The following ZBTB8A variants were observed in gnomAD, a reference collection of about 807,000 sequenced individuals.
The protein encoded by ZBTB8A is zinc finger and BTB domain containing 8A.
A neutral mutation model predicts 37.8 loss-of-function variants in ZBTB8A; 19 were observed. The ratio of observed to expected loss-of-function variants is 0.50; its 90% CI spans 0.35 to 0.74. The LOEUF is 0.74. ZBTB8A is among the 30% of genes least tolerant of loss of function. ZBTB8A has a pLI of 0.01. For synonymous variants in ZBTB8A, 181 were observed against 185.2 expected (o/e 0.98, Z 0.19); for missense variants, 394 against 537.8 (o/e 0.73, Z 2.65).
intron 2 of ZBTB8A, among the ~76,000 whole-genome samples, chr1:32,589,208 CTTG>C (rs879740349): frequency 2.0e-5 from 3 of 151,978 alleles, no homozygotes; most frequent in African/African-American, 4.8e-5. Flanking sequence ...GAGACAGAGT[CTTG>C]TTGTGTCACC....
intron 2 of ZBTB8A, among the ~76,000 whole-genome samples, chr1:32,579,561 G>C (rs1033762914): frequency 5.3e-5 from 8 of 152,028 alleles, no homozygotes; most frequent in African/African-American, 1.9e-4. Context: ...AAGAGTTATT[G>C]ATCTCTTTGC....
At chr1:32,548,950 T>G (rs914813301) in intron 1 of ZBTB8A, among the ~76,000 whole-genome samples, 2 of 151,996 alleles carry the variant, frequency 1.3e-5, no homozygotes, top group African/African-American at 4.8e-5. Flanking sequence ...CCCAGCACTT[T>G]GGGAGGCTGA....
At chr1:32,599,700 G>A (rs935246489) in intron 4 of ZBTB8A, among the ~76,000 whole-genome samples, 2 of 152,002 alleles carry the variant, frequency 1.3e-5, no homozygotes, top group Non-Finnish European at 2.9e-5. Context: ...CTGGGCAACA[G>A]AGTGAGACTC....
intron 1 of ZBTB8A, among the ~76,000 whole-genome samples, chr1:32,542,972 T>C (rs771375391): frequency 2.0e-5 from 3 of 152,204 alleles, no homozygotes; most frequent in Non-Finnish European, 4.4e-5. Context: ...ACTTAAACCT[T>C]TTTTGATGAC....
chr1:32,547,641 A>G (rs1313795882), intron 1 of ZBTB8A, among the ~76,000 whole-genome samples: 1 of 148,116 alleles, frequency 6.8e-6, no homozygotes, highest in Non-Finnish European at 1.5e-5. Context: ...AAAAAAAAAA[A>G]AAGAAAGAAA....
chr1:32,593,768 GCATAAGTCCCCT>G lies in ZBTB8A; in HGVS notation c.823+18_823+29del. On this transcript the variant is annotated intron_variant, in intron 3 of 4. Coordinates refer to ENST00000373510, the MANE Select transcript of ZBTB8A (RefSeq NM_001040441.3). ...AAAGCTTTCCAGGTACCCAAAAAGA[GCATAAGTCCCCT>G]CATCCAGGTTCCAAACTGCTATATT... The G allele has an allele frequency of 6.3e-7, 1 of 1,591,196 alleles. No homozygotes were observed.
intron 2 of ZBTB8A, among the ~76,000 whole-genome samples, chr1:32,581,445 A>G (rs1644406391): frequency 6.7e-6 from 1 of 149,094 alleles, no homozygotes; most frequent in African/African-American, 2.5e-5. Flanking sequence ...TCCATCCCCC[A>G]GGTTCAAGCG....
intron 2 of ZBTB8A, among the ~76,000 whole-genome samples, chr1:32,577,774 G>A (rs1644374194): frequency 6.6e-6 from 1 of 150,798 alleles, no homozygotes; most frequent in Non-Finnish European, 1.5e-5. Flanking sequence ...GTAGAGAGGG[G>A]GTTTCACCAA....
At position 32,593,525 on chromosome 1, in the gene ZBTB8A, C is replaced by T. The variant is rs1295082588; in HGVS notation, c.594C>T (p.Ala198=). The T allele has an allele frequency of 1.2e-6, 2 of 1,614,112 alleles. No homozygotes were observed. Among genetic ancestry groups the T allele is most frequent in the Non-Finnish European group, 1.7e-6 (2 of 1,180,014 alleles). The change falls in exon 3 of 5, where the codon GCC becomes GCT. Residue 198 remains alanine (A), a synonymous_variant. Transcript: ENST00000373510. ...ASQKNTQQPL[A]KHEPRKESIK... ...AGAAGAATACTCAACAACCCTTGGC[C>T]AAGCATGAACCAAGGAAAGAGTCCA...
At chr1:32,553,884 C>G (rs1644177437) in intron 2 of ZBTB8A, among the ~76,000 whole-genome samples, 1 of 102,374 alleles carries the variant, frequency 9.8e-6, no homozygotes, top group Non-Finnish European at 2.0e-5. Flanking sequence ...GAAACTCTGT[C>G]TCAAAAAAAA....
At chr1:32,579,042 T>C (rs1333916251) in intron 2 of ZBTB8A, among the ~76,000 whole-genome samples, 2 of 152,162 alleles carry the variant, frequency 1.3e-5, no homozygotes, top group Non-Finnish European at 2.9e-5. Flanking sequence ...TCTAGAGTTA[T>C]CTTTACTGTT....
At chr1:32,596,775 T>G (rs1644535608) in intron 4 of ZBTB8A, among the ~76,000 whole-genome samples, 1 of 152,236 alleles carries the variant, frequency 6.6e-6, no homozygotes, top group South Asian at 2.1e-4. Context: ...ATTCTTTTGA[T>G]GGTAAATAGT....
chr1:32,568,783 C>T (rs930458660), intron 2 of ZBTB8A, among the ~76,000 whole-genome samples: 6 of 152,172 alleles, frequency 3.9e-5, no homozygotes, highest in African/African-American at 1.4e-4. Flanking sequence ...GAGAGTCATT[C>T]ACATCACTGC....
intron 2 of ZBTB8A, among the ~76,000 whole-genome samples, chr1:32,590,355 C>T (rs1644479028): frequency 6.6e-6 from 1 of 152,012 alleles, no homozygotes; most frequent in African/African-American, 2.4e-5. Context: ...TTTTTCCCTA[C>T]CCAGGGCCCT....
intron 2 of ZBTB8A, among the ~76,000 whole-genome samples, chr1:32,565,269 T>C (rs1468989238): frequency 6.6e-6 from 1 of 152,090 alleles, no homozygotes; most frequent in Non-Finnish European, 1.5e-5. Flanking sequence ...GAGGCTGCAG[T>C]GAGCCGTGAT....
In ZBTB8A at chr1:32,541,376, T is replaced by C. The variant is rs957438953; in HGVS notation, c.-84+1804T>C. ...CCTGCTCACCTCAGGGCCTTTGCAC[T>C]TGCCGTTCCCTTTGCCTGAAATGCT... On this transcript the variant is annotated intron_variant, in intron 1 of 4. Transcript: ENST00000373510. Among the ~76,000 whole-genome samples the C allele has an allele frequency of 2.4e-4, 36 of 152,276 alleles. 1 individual carries two copies. The highest frequency in any genetic ancestry group is 8.2e-4 in the African/African-American group (34 of 41,576).
chr1:32,588,461 C>T (rs72652200), intron 2 of ZBTB8A, among the ~76,000 whole-genome samples: 12,102 of 151,828 alleles, frequency 0.08, 542 homozygotes, highest in African/African-American at 0.12. Context: ...ATGTTTGAGG[C>T]CTGAGACCCA....
chr1:32,562,514 G>A (rs907773186), intron 2 of ZBTB8A, among the ~76,000 whole-genome samples: 2 of 147,922 alleles, frequency 1.4e-5, no homozygotes, highest in Admixed American at 1.4e-4. Context: ...CAGGTGATCC[G>A]CCTGCCTCGG....
At chr1:32,569,400 T>TC (rs1644307970) in intron 2 of ZBTB8A, among the ~76,000 whole-genome samples, 1 of 141,174 alleles carries the variant, frequency 7.1e-6, no homozygotes, top group Non-Finnish European at 1.5e-5. Context: ...TTTTTTTTTT[T>TC]TTTTTTTTTT....
Sources: gnomAD v4.1 joint callset for allele counts (sites outside exome capture counted in the v4.1 genomes callset) on GRCh38, gnomAD v4.1.1 for gene constraint, MANE v1.5 for transcripts, NCBI Gene and HGNC (gene_info 2026-07-23, HGNC 2026-07-21) for gene names.